Variants in ARID3C observed in about 807,000 individuals in gnomAD.
ARID3C encodes AT-rich interaction domain 3C.
Under a neutral mutation model 37.9 loss-of-function variants are expected in ARID3C, and 42 were observed. The ratio of observed to expected loss-of-function variants is 1.11; its 90% CI spans 0.87 to 1.43. The LOEUF is 1.43. Ranked by LOEUF, ARID3C falls within the 40% of genes most tolerant of loss-of-function variation. The pLI is 0.00. For synonymous variants in ARID3C, 213 were observed against 228.0 expected (o/e 0.93, Z 0.59); for missense variants, 581 against 548.8 (o/e 1.06, Z -0.59).
downstream of ARID3C, among the ~76,000 whole-genome samples, chr9:34,621,215 G>T (rs1820551943): frequency 6.6e-6 from 1 of 152,204 alleles, no homozygotes; most frequent in African/African-American, 2.4e-5. Context: ...GAGATGATGG[G>T]GTTACTGGAG....
upstream of ARID3C, among the ~76,000 whole-genome samples, chr9:34,629,032 GCTC>G (rs1191730723): frequency 6.6e-6 from 1 of 151,978 alleles, no homozygotes; most frequent in Non-Finnish European, 1.5e-5. Flanking sequence ...GCCGCCCTGT[GCTC>G]CTCTGGCGGC....
In ARID3C at chr9:34,623,989, CAG is replaced by C. The variant is rs745852051; in HGVS notation, c.448_449del (p.Leu150ValfsTer137). 4.4e-6 allele frequency: 7 copies of C among 1,603,426 alleles called. No homozygotes were observed. Among genetic ancestry groups the C allele is most frequent in the East Asian group, 4.5e-5 (2 of 44,694 alleles). ...CGCCCTTGGCGGTCACCAGGCGAAA[CAG>C]AGCGTACAGGTCGAGCACCTGCTTC... On this transcript the variant is annotated frameshift_variant, in exon 3 of 7. Transcript: ENST00000378909. LOFTEE classifies it high-confidence loss of function.
intron 3 of ARID3C, 73 bp downstream of exon 4, chr9:34,623,791 C>G: frequency 6.7e-7 from 1 of 1,503,722 alleles, no homozygotes; most frequent in Non-Finnish European, 8.9e-7. Context: ...GACGCCCGCC[C>G]GGGGACCCTC....
intron 4 of ARID3C, 145 bp downstream of exon 5, chr9:34,623,280 C>T: frequency 9.9e-7 from 1 of 1,011,826 alleles, no homozygotes; most frequent in Non-Finnish European, 1.3e-6. Context: ...TAGTGACCCC[C>T]AAACCTCAGA....
upstream of ARID3C, among the ~76,000 whole-genome samples, chr9:34,630,583 A>T (rs1820714269): frequency 6.6e-6 from 1 of 151,770 alleles, no homozygotes; most frequent in South Asian, 2.1e-4. Flanking sequence ...TCCTCTCCCA[A>T]TCAGTCCACT....
At chr9:34,629,838 C>T (rs987271925), upstream of ARID3C, among the ~76,000 whole-genome samples, 1 of 152,058 alleles carries the variant, frequency 6.6e-6, no homozygotes, top group Non-Finnish European at 1.5e-5. Context: ...CTGCAGCCTC[C>T]GCCTCCCAGG....
intron 3 of ARID3C, 57 bp downstream of exon 4, chr9:34,623,807 T>TC: frequency 4.7e-6 from 3 of 643,696 alleles, no homozygotes; most frequent in South Asian, 4.1e-5. Context: ...CCCTCCCCCC[T>TC]CCCGCCCCAG....
chr9:34,623,454 G>C (rs1820604666), exon 4 of ARID3C: 1 of 1,533,034 alleles, frequency 6.5e-7, no homozygotes, highest in African/African-American at 1.4e-5. Flanking sequence ...ACTCAGCTGA[G>C]CGCATGCATG....
chr9:34,627,769 G>GCCCTGGGC lies in ARID3C; in HGVS notation c.238_245dup (p.Ser84ArgfsTer54), dbSNP rs760056881. On this transcript the variant is annotated frameshift_variant, in exon 1 of 7. Transcript: ENST00000378909. LOFTEE classifies it high-confidence loss of function. ...GGGGCTGGCTAGAAGGCGAGCTGGG[G>GCCCTGGGC]CCCTGGGCCCCTGGACGGCTCTCCT... 52 of 1,614,038 alleles carry GCCCTGGGC rather than the reference G, an allele frequency of 3.2e-5. No homozygotes were observed. Among genetic ancestry groups the GCCCTGGGC allele is most frequent in the Non-Finnish European group, 4.0e-5 (47 of 1,180,012 alleles).
intron 5 of ARID3C, 31 bp downstream of exon 6, chr9:34,622,316 C>T (rs138550382): frequency 2.5e-5 from 40 of 1,584,394 alleles, no homozygotes; most frequent in Non-Finnish European, 3.3e-5. Flanking sequence ...TGTACAGTCC[C>T]GAAGCCCCCT....
intron 4 of ARID3C, among the ~76,000 whole-genome samples, chr9:34,623,127 C>T (rs1279644357): frequency 7.5e-6 from 1 of 132,966 alleles, no homozygotes; most frequent in Non-Finnish European, 1.5e-5. Flanking sequence ...GCCTGGGCGA[C>T]GGAACGAGAC....
At chr9:34,625,921 T>A in intron 1 of ARID3C, 107 bp from the exon 3 acceptor site, 1 of 1,276,314 alleles carries the variant, frequency 7.8e-7, no homozygotes, top group Non-Finnish European at 1.1e-6. Flanking sequence ...AAGGAGTCAG[T>A]AGGATCTCAA....
intron 1 of ARID3C, among the ~76,000 whole-genome samples, chr9:34,626,437 C>T (rs1564091778): frequency 3.3e-5 from 5 of 152,118 alleles, no homozygotes. Flanking sequence ...GGCCCTGTAC[C>T]ACCTAGGACC....
upstream of ARID3C, among the ~76,000 whole-genome samples, chr9:34,632,359 G>C (rs984880513): frequency 1.3e-5 from 2 of 152,150 alleles, no homozygotes; most frequent in African/African-American, 2.4e-5. Context: ...GTTGGAATAG[G>C]GGGGCTGAAG....
At position 34,621,557 on chromosome 9, in the gene ARID3C, A is replaced by T. The variant is rs552008281; in HGVS notation, c.1140T>A (p.Gly380=). 1.1e-5 allele frequency: 17 copies of T among 1,575,522 alleles called. No homozygotes were observed. In the South Asian group the frequency reaches 1.8e-4, roughly 16 times the overall value. Residue 380 remains glycine, a splice_region_variant and synonymous_variant, in exon 7 of 7, where the codon GGT becomes GGA. Transcript: ENST00000378909. Reference sequence around the variant, plus strand: ...CAGGCTGGCGGCGGGCAAAGAGGACACCTGGCAAAGGGGTGAGGAGATGGT... The same window carrying T: ...CAGGCTGGCGGCGGGCAAAGAGGACTCCTGGCAAAGGGGTGAGGAGATGGT...
chr9:34,622,174 T>A, intron 5 of ARID3C, 65 bp from the exon 7 acceptor site: 1 of 1,600,062 alleles, frequency 6.2e-7, no homozygotes, highest in Non-Finnish European at 8.6e-7. Context: ...TTAATAGAAT[T>A]TCCCCCCTCC....
At chr9:34,621,326 T>G (rs911018575), downstream of ARID3C, 8 of 603,660 alleles carry the variant, frequency 1.3e-5, no homozygotes, top group Non-Finnish European at 2.2e-5. Context: ...TGGTTTTAAG[T>G]CCACATGGCA....
At chr9:34,622,726 A>G (rs1395819089) in intron 4 of ARID3C, among the ~76,000 whole-genome samples, 197 bp from the exon 6 acceptor site, 1 of 152,246 alleles carries the variant, frequency 6.6e-6, no homozygotes, top group Non-Finnish European at 1.5e-5. Context: ...ATCAAGGTAC[A>G]TGTCTAGACA....
chr9:34,623,344 C>T (rs1362371867), intron 4 of ARID3C, 81 bp downstream of exon 5: 4 of 1,427,724 alleles, frequency 2.8e-6, no homozygotes, highest in Non-Finnish European at 3.7e-6. Context: ...GACCTCAATC[C>T]TCACATTTTA....
Sources: gnomAD v4.1 joint callset for allele counts (sites outside exome capture counted in the v4.1 genomes callset) on GRCh38, gnomAD v4.1.1 for gene constraint, MANE v1.5 for transcripts, NCBI Gene and HGNC (gene_info 2026-07-23, HGNC 2026-07-21) for gene names.